Variants in LRMDA observed in about 807,000 individuals in gnomAD.
LRMDA encodes leucine-rich melanocyte differentiation-associated protein.
A neutral mutation model predicts 29.8 loss-of-function variants in LRMDA; 18 were observed. That is an observed-to-expected ratio of 0.60 (90% CI 0.42 to 0.90). The LOEUF (loss-of-function observed/expected upper bound fraction) is 0.90, where lower values mean the gene tolerates loss of function less well. LRMDA is among the 40% of genes least tolerant of loss of function. The pLI, the probability that LRMDA is intolerant of heterozygous loss-of-function variation, is 0.00. For synonymous variants in LRMDA, 125 were observed against 109.4 expected (o/e 1.14, Z -0.89); for missense variants, 273 against 273.9 (o/e 1.00, Z 0.02).
At chr10:76,483,647 G>A (rs1842754233) in intron 6 of LRMDA, among the ~76,000 whole-genome samples, 1 of 151,344 alleles carries the variant, frequency 6.6e-6, no homozygotes, top group South Asian at 2.1e-4. Context: ...TAGTTGAAGT[G>A]TGGCTTTAAT....
intron 5 of LRMDA, among the ~76,000 whole-genome samples, chr10:76,198,528 G>A (rs1326967946): frequency 6.6e-6 from 1 of 152,192 alleles, no homozygotes; most frequent in Non-Finnish European, 1.5e-5. Context: ...ATGTTATAAT[G>A]CTGAAGAAGA....
At chr10:76,217,849 G>A (rs575223034) in intron 5 of LRMDA, among the ~76,000 whole-genome samples, 1 of 152,116 alleles carries the variant, frequency 6.6e-6, no homozygotes, top group Non-Finnish European at 1.5e-5. Flanking sequence ...ACCTGTTCCT[G>A]TAGGATATGT....
At chr10:75,542,735 G>A (rs765049695) in intron 2 of LRMDA, among the ~76,000 whole-genome samples, 1 of 152,060 alleles carries the variant, frequency 6.6e-6, no homozygotes, top group Non-Finnish European at 1.5e-5. Flanking sequence ...CAAACATGTC[G>A]TCCTGTCAAG....
At chr10:75,455,088 G>A (rs770662309) in intron 2 of LRMDA, among the ~76,000 whole-genome samples, 23 of 152,164 alleles carry the variant, frequency 1.5e-4, no homozygotes, top group Admixed American at 3.3e-4. Flanking sequence ...CTGGTACAAC[G>A]GGACCCCTCC....
chr10:75,914,038 C>T (rs929026422), intron 2 of LRMDA, among the ~76,000 whole-genome samples: 3 of 152,134 alleles, frequency 2.0e-5, no homozygotes, highest in Admixed American at 6.5e-5. Flanking sequence ...TGTGTTTCCT[C>T]GGAAATGCTT....
At chr10:75,900,902 A>G (rs1000807831) in intron 2 of LRMDA, among the ~76,000 whole-genome samples, 10 of 152,158 alleles carry the variant, frequency 6.6e-5, no homozygotes. Context: ...TGAACTAGAG[A>G]TAGCTGCTGG....
chr10:76,396,452 C>T (rs971394472), intron 6 of LRMDA: 2 of 152,124 alleles, frequency 1.3e-5, no homozygotes. Flanking sequence ...ACTCTCTTAC[C>T]CAGTAGAGAG....
chr10:75,641,414 A>ATG (rs1841451579), intron 2 of LRMDA, among the ~76,000 whole-genome samples: 1 of 150,430 alleles, frequency 6.6e-6, no homozygotes, highest in Non-Finnish European at 1.5e-5. Context: ...TATATAATAT[A>ATG]TATATATACA....
chr10:76,186,119 C>T (rs1476945295), intron 5 of LRMDA, among the ~76,000 whole-genome samples: 1 of 152,054 alleles, frequency 6.6e-6, no homozygotes, highest in Non-Finnish European at 1.5e-5. Context: ...TAAGATGGCA[C>T]TAACATTTAG....
intron 2 of LRMDA, among the ~76,000 whole-genome samples, chr10:75,463,470 G>A (rs963909937): frequency 6.6e-6 from 1 of 151,746 alleles, no homozygotes; most frequent in African/African-American, 2.4e-5. Context: ...ATGCTCGGGT[G>A]GGCTACACTG....
At chr10:76,296,885 G>A (rs1840417856) in intron 5 of LRMDA, among the ~76,000 whole-genome samples, 1 of 152,228 alleles carries the variant, frequency 6.6e-6, no homozygotes, top group Admixed American at 6.5e-5. Context: ...AGTGCCTAGT[G>A]TGCTTTCTAG....
rs1844269727 is a variant in LRMDA at position 75,827,614 on chromosome 10, T to A, written c.132-208394T>A. Among the ~76,000 whole-genome samples, 4 of 152,240 alleles carry A rather than the reference T, an allele frequency of 2.6e-5. No homozygotes were observed. In the South Asian group the frequency reaches 8.3e-4, roughly 32 times the overall value. ...GTACAAGGGTTAGTGTTTGAGGGAC[T>A]TTGAGGCACTGCTGTAAAGCAAAGT... On this transcript the variant is annotated intron_variant, in intron 2 of 6. Transcript: ENST00000611255.
intron 2 of LRMDA, among the ~76,000 whole-genome samples, chr10:75,893,043 T>G (rs550998821): frequency 1.3e-5 from 2 of 152,312 alleles, no homozygotes; most frequent in South Asian, 4.1e-4. Context: ...TTTAGTACCC[T>G]GAGGCTGGCT....
chr10:76,369,922 G>C (rs1841433375), intron 6 of LRMDA, among the ~76,000 whole-genome samples: 1 of 152,084 alleles, frequency 6.6e-6, no homozygotes, highest in Non-Finnish European at 1.5e-5. Flanking sequence ...ACAAATGTTT[G>C]ATTGAAGAAG....
At chr10:75,600,470 G>A (rs191489471) in intron 2 of LRMDA, among the ~76,000 whole-genome samples, 3 of 152,282 alleles carry the variant, frequency 2.0e-5, no homozygotes, top group East Asian at 1.9e-4. Flanking sequence ...TGATCCTGTA[G>A]CTAAATTACC....
chr10:75,750,438 C>T (rs188146649), intron 2 of LRMDA, among the ~76,000 whole-genome samples: 1,812 of 136,912 alleles, frequency 0.013, 37 homozygotes, highest in Admixed American at 0.035. Flanking sequence ...AGTTCCCAGA[C>T]GGGGTCGCGG....
intron 2 of LRMDA, among the ~76,000 whole-genome samples, chr10:75,777,059 G>T (rs1184107847): frequency 2.0e-5 from 3 of 152,240 alleles, no homozygotes; most frequent in Non-Finnish European, 4.4e-5. Context: ...GCAACCTTGA[G>T]TGGGGAGCCG....
rs567170094 is a variant in LRMDA, at chr10:75,611,969, C to G, written c.131+173475C>G. 4.6e-5 allele frequency among the ~76,000 whole-genome samples: 7 copies of G among 152,316 alleles called. No homozygotes were observed. The South Asian group carries it at 1.4e-3, about 32-fold the overall frequency. On this transcript the variant is annotated intron_variant, in intron 2 of 6. Coordinates refer to ENST00000611255, the MANE Select transcript of LRMDA (RefSeq NM_001305581.2). ...GGTCCCCTTCTCCTATTCCCCAGTTCCCTCTGCTGCCTTAAGGTTCAGTTT... is the reference window on the plus strand; with the variant it reads ...GGTCCCCTTCTCCTATTCCCCAGTTGCCTCTGCTGCCTTAAGGTTCAGTTT...
At chr10:75,954,112 A>G (rs1357421518) in intron 2 of LRMDA, among the ~76,000 whole-genome samples, 1 of 152,244 alleles carries the variant, frequency 6.6e-6, no homozygotes, top group African/African-American at 2.4e-5. Context: ...AAGGAGTCAG[A>G]GACATCAGCT....
Sources: gnomAD v4.1 joint callset for allele counts (sites outside exome capture counted in the v4.1 genomes callset) on GRCh38, gnomAD v4.1.1 for gene constraint, MANE v1.5 for transcripts, NCBI Gene and HGNC (gene_info 2026-07-23, HGNC 2026-07-21) for gene names.